COL22A1: variants seen among roughly 807,000 people sequenced by gnomAD.
COL22A1 encodes collagen alpha-1(XXII) chain.
In COL22A1, 221 loss-of-function variants were observed where a neutral mutation model predicts 248.9. The observed-to-expected ratio is 0.89, with a 90% CI of 0.80 to 0.99. COL22A1 has a LOEUF of 0.99. Ranked by LOEUF, COL22A1 falls within the 50% of genes least tolerant of loss-of-function variation. The pLI is 0.00. For missense variants in COL22A1, 2,240 were observed against 2,179.0 expected, an observed-to-expected ratio of 1.03 and a Z score of -0.56; for synonymous variants, 891 against 793.4, an observed-to-expected ratio of 1.12 and a Z score of -2.07.
At chr8:138,805,439 GGT>G (rs779622967) in intron 10 of COL22A1, among the ~76,000 whole-genome samples, 2 of 146,062 alleles carry the variant, frequency 1.4e-5, no homozygotes, top group Non-Finnish European at 3.0e-5. Context: ...GGTGTGGGAT[GGT>G]GTGTGGTGTG....
intron 47 of COL22A1, among the ~76,000 whole-genome samples, chr8:138,645,956 C>G (rs1822168291): frequency 6.6e-6 from 1 of 152,172 alleles, no homozygotes; most frequent in African/African-American, 2.4e-5. Flanking sequence ...GGGTGTGGGT[C>G]TATCTGTCCC....
intron 47 of COL22A1, among the ~76,000 whole-genome samples, chr8:138,637,431 C>A (rs1564127133): frequency 6.6e-6 from 1 of 152,144 alleles, no homozygotes; most frequent in African/African-American, 2.4e-5. Flanking sequence ...AGCCACTTCA[C>A]TAAAACTGCT....
chr8:138,876,710 G>T (rs899131000), intron 3 of COL22A1, among the ~76,000 whole-genome samples: 1 of 151,994 alleles, frequency 6.6e-6, no homozygotes, highest in Non-Finnish European at 1.5e-5. Flanking sequence ...ACACCCAGCT[G>T]CTCTCATCAC....
At chr8:138,756,680 A>C (rs1833030767) in intron 18 of COL22A1, among the ~76,000 whole-genome samples, 1 of 152,172 alleles carries the variant, frequency 6.6e-6, no homozygotes, top group Non-Finnish European at 1.5e-5. Context: ...AGCTGAAGGC[A>C]TCTATTAGGT....
chr8:138,785,446 A>G (rs1815433557), intron 12 of COL22A1, among the ~76,000 whole-genome samples: 1 of 152,200 alleles, frequency 6.6e-6, no homozygotes, highest in South Asian at 2.1e-4. Context: ...GCAGCATCAC[A>G]AAAGGATGAG....
chr8:138,740,923 A>AACCC (rs1208334609), intron 22 of COL22A1, among the ~76,000 whole-genome samples: 1 of 152,134 alleles, frequency 6.6e-6, no homozygotes, highest in Non-Finnish European at 1.5e-5. Context: ...CAGCCACAGG[A>AACCC]ACCCACCCTG....
At chr8:138,730,971 C>T (rs188501627) in intron 23 of COL22A1, among the ~76,000 whole-genome samples, 77 of 152,188 alleles carry the variant, frequency 5.1e-4, no homozygotes, top group Middle Eastern at 3.4e-3. Flanking sequence ...ATAGAGGTGG[C>T]ATCAAAGAGT....
intron 3 of COL22A1, among the ~76,000 whole-genome samples, chr8:138,874,574 A>T (rs1823569018): frequency 6.6e-6 from 1 of 152,154 alleles, no homozygotes; most frequent in Non-Finnish European, 1.5e-5. Context: ...CCTGCTGGGT[A>T]ATAATCTCTT....
intron 16 of COL22A1, among the ~76,000 whole-genome samples, chr8:138,762,938 C>T (rs1833614225): frequency 6.6e-6 from 1 of 152,240 alleles, no homozygotes; most frequent in African/African-American, 2.4e-5. Context: ...AAGCCACCAT[C>T]TGCGCATTCA....
chr8:138,788,729 G>A (rs774397488), intron 12 of COL22A1, among the ~76,000 whole-genome samples: 2 of 152,048 alleles, frequency 1.3e-5, no homozygotes, highest in African/African-American at 4.8e-5. Context: ...CGCAGAAGAC[G>A]TCATTTGGTT....
chr8:138,760,318 A>G, intron 17 of COL22A1, 31 bp from the exon 18 acceptor site: 4 of 1,590,376 alleles, frequency 2.5e-6, no homozygotes, highest in Non-Finnish European at 3.4e-6. Flanking sequence ...GCAGATTATG[A>G]TGGGCACTAC....
chr8:138,613,117 G>C (rs1358200143), intron 56 of COL22A1, among the ~76,000 whole-genome samples: 18 of 147,864 alleles, frequency 1.2e-4, no homozygotes, highest in African/African-American at 4.5e-4. Context: ...GCGTGGTGGT[G>C]GGCACCTGTA....
chr8:138,615,886 G>C, intron 55 of COL22A1, 115 bp downstream of exon 55: 1 of 733,070 alleles, frequency 1.4e-6, no homozygotes, highest in Non-Finnish European at 2.3e-6. Flanking sequence ...GATGTCATCT[G>C]TGTGCCTCTT....
chr8:138,617,747 G>C (rs1275553146), intron 53 of COL22A1, among the ~76,000 whole-genome samples: 1 of 152,174 alleles, frequency 6.6e-6, no homozygotes, highest in African/African-American at 2.4e-5. Context: ...AGTTAGGTCT[G>C]AGATGGGACC....
chr8:138,628,867 G>A (rs998801887), intron 50 of COL22A1, among the ~76,000 whole-genome samples: 2 of 149,304 alleles, frequency 1.3e-5, no homozygotes, highest in African/African-American at 5.0e-5. Context: ...CCTGGTTCAA[G>A]TGATTCTCCT....
chr8:138,850,460 C>A (rs1175335472), intron 3 of COL22A1, among the ~76,000 whole-genome samples: 1 of 152,248 alleles, frequency 6.6e-6, no homozygotes, highest in Non-Finnish European at 1.5e-5. Flanking sequence ...TCCCTCCTTC[C>A]CTTCCTTGTC....
intron 45 of COL22A1, among the ~76,000 whole-genome samples, chr8:138,652,074 CA>C (rs1289991415): frequency 4.6e-5 from 7 of 152,330 alleles, no homozygotes; most frequent in African/African-American, 1.7e-4. Flanking sequence ...GAGATCACCC[CA>C]ATCTGCAGTC....
At chr8:138,757,712 C>A (rs1173660265) in intron 18 of COL22A1, among the ~76,000 whole-genome samples, 1 of 152,208 alleles carries the variant, frequency 6.6e-6, no homozygotes, top group Admixed American at 6.5e-5. Context: ...TACTATCTTT[C>A]CTGTCTTAAA....
At chr8:138,868,868 T>C (rs1249092046) in intron 3 of COL22A1, among the ~76,000 whole-genome samples, 2 of 152,058 alleles carry the variant, frequency 1.3e-5, no homozygotes, top group African/African-American at 4.8e-5. Flanking sequence ...GTAGCTGGGA[T>C]TATAGGCACC....
Sources: allele counts gnomAD v4.1 joint callset (sites outside exome capture counted in the v4.1 genomes callset), GRCh38; gene constraint gnomAD v4.1.1; transcripts MANE v1.5; gene names NCBI Gene and HGNC (gene_info 2026-07-23, HGNC 2026-07-21).